Variants in CTNNA1 observed in about 807,000 individuals in gnomAD.
CTNNA1 encodes catenin alpha 1.
Under a neutral mutation model 98.4 loss-of-function variants are expected in CTNNA1, and 37 were observed. The observed-to-expected ratio is 0.38, with a 90% CI of 0.29 to 0.49. The LOEUF is 0.49. CTNNA1 is among the 20% of genes least tolerant of loss of function. The probability of loss-of-function intolerance (pLI) is 0.95; values close to 1 mark genes in which losing one functional copy is unlikely to be tolerated. For missense variants in CTNNA1, 761 were observed against 1,147.2 expected (o/e 0.66, Z 4.86); for synonymous variants, 404 against 413.2 (o/e 0.98, Z 0.27).
chr5:138,895,281 T>G (rs188975995), intron 9 of CTNNA1, among the ~76,000 whole-genome samples: 1 of 152,202 alleles, frequency 6.6e-6, no homozygotes, highest in Non-Finnish European at 1.5e-5. Context: ...ACTTTAGAAA[T>G]GCAGAGCTCT....
At chr5:138,907,412 A>G (rs1253579667) in intron 10 of CTNNA1, among the ~76,000 whole-genome samples, 2 of 152,174 alleles carry the variant, frequency 1.3e-5, no homozygotes, top group African/African-American at 2.4e-5. Flanking sequence ...AGTTTTTGAA[A>G]TCTTTGAGGA....
chr5:138,931,588 A>T, intron 16 of CTNNA1: 1 of 985,290 alleles, frequency 1.0e-6, no homozygotes, highest in Non-Finnish European at 1.2e-6. Context: ...AATAGGGCCT[A>T]TTGCTTCCAT....
At chr5:138,911,892 G>A (rs1484195276) in intron 10 of CTNNA1, among the ~76,000 whole-genome samples, 2 of 152,222 alleles carry the variant, frequency 1.3e-5, no homozygotes, top group Non-Finnish European at 2.9e-5. Context: ...TGTGAGGTGA[G>A]AGAGAAAAAG....
chr5:138,852,071 AAAAAAAT>A (rs1246140781), intron 7 of CTNNA1, among the ~76,000 whole-genome samples: 2 of 152,056 alleles, frequency 1.3e-5, no homozygotes, highest in Admixed American at 6.5e-5. Context: ...GCTCCATCTC[AAAAAAAT>A]AAAAAATAAA....
chr5:138,873,817 C>T lies in CTNNA1; in HGVS notation c.1063-12395C>T, dbSNP rs1338946492. ...TTTCTAAAGTGCCCCAGGTCCACTC[C>T]ATCCCACATGTCAAGTTGCTGATTT... On this transcript the variant is annotated intron_variant, in intron 7 of 17. Coordinates refer to ENST00000302763, the MANE Select transcript of CTNNA1 (RefSeq NM_001903.5). This position sits in a 1 kb window ranked among gnomAD's most constrained non-coding sequence, Gnocchi z 6.1. 7 of 1,613,892 alleles carry T rather than the reference C, an allele frequency of 4.3e-6. No individual in the cohort carries two copies. Among genetic ancestry groups the T allele is most frequent in the African/African-American group, 1.3e-5 (1 of 74,920 alleles).
intron 7 of CTNNA1, among the ~76,000 whole-genome samples, chr5:138,866,273 C>CATTTATTTATTTATTTATTT (rs201730664): frequency 1.4e-5 from 2 of 138,588 alleles, no homozygotes; most frequent in South Asian, 2.4e-4. Flanking sequence ...TGTTGTAACT[C>CATTTATTTATTTATTTATTT]ATTTATTTAT....
chr5:138,772,443 A>T (rs1320511276), intron 1 of CTNNA1, among the ~76,000 whole-genome samples: 4 of 152,350 alleles, frequency 2.6e-5, no homozygotes, highest in Admixed American at 2.6e-4. Flanking sequence ...GAAACTGTCA[A>T]GAGTTTAAAA....
chr5:138,931,116 G>A (rs1162219330), intron 16 of CTNNA1, 181 bp downstream of exon 16: 7 of 588,306 alleles, frequency 1.2e-5, no homozygotes, highest in South Asian at 1.0e-4. Context: ...TGTATGTCCT[G>A]GAATCTTCCA....
At chr5:138,811,948 G>A in intron 4 of CTNNA1, 1 of 373,760 alleles carries the variant, frequency 2.7e-6, no homozygotes, top group South Asian at 2.7e-5. Context: ...GAGGGAGAGG[G>A]AGGGGAAGGG....
At chr5:138,850,676 T>TAAG (rs1369031981) in intron 7 of CTNNA1, among the ~76,000 whole-genome samples, 3 of 152,218 alleles carry the variant, frequency 2.0e-5, no homozygotes, top group Non-Finnish European at 4.4e-5. Context: ...TATTTCACTG[T>TAAG]AGTCTCTTTC....
At chr5:138,848,969 G>T (rs1305213352) in intron 7 of CTNNA1, among the ~76,000 whole-genome samples, 2 of 152,122 alleles carry the variant, frequency 1.3e-5, no homozygotes, top group African/African-American at 4.8e-5. Context: ...TGATATGCCT[G>T]CCTCGGCCTC....
intron 1 of CTNNA1, among the ~76,000 whole-genome samples, chr5:138,756,292 A>G (rs998989324): frequency 6.6e-6 from 1 of 151,922 alleles, no homozygotes; most frequent in African/African-American, 2.4e-5. Flanking sequence ...CGGCCTCCCA[A>G]AGTGCTGGGA....
At chr5:138,837,767 G>T (rs572006215) in intron 7 of CTNNA1, among the ~76,000 whole-genome samples, 2 of 151,658 alleles carry the variant, frequency 1.3e-5, no homozygotes, top group East Asian at 3.9e-4. Context: ...GACTAGAGGT[G>T]TGCACCAGCA....
At chr5:138,916,779 A>AT (rs35034209) in intron 10 of CTNNA1, among the ~76,000 whole-genome samples, 44,876 of 147,334 alleles carry the variant, frequency 0.3, 6,877 homozygotes, top group Middle Eastern at 0.34. Context: ...TATTTTATTT[A>AT]TTTTTTTTTT....
chr5:138,934,391 AT>A lies in CTNNA1; in HGVS notation c.*304del, dbSNP rs1766097041. The A allele has an allele frequency of 3.1e-6, 1 of 317,506 alleles. No individual in the cohort carries two copies. Among genetic ancestry groups the A allele is most frequent in the African/African-American group, 2.2e-5 (1 of 45,710 alleles). The allele number at this position is 317,506 out of a possible 1,614,324, so 19.7% of individuals were successfully genotyped here. Reference sequence around the variant, plus strand: ...ATGCTCTGACCAAGCCGAGATGCCCATTCTCTTAGTGATGGCGGCGTTAGGG... The same window carrying A: ...ATGCTCTGACCAAGCCGAGATGCCCATCTCTTAGTGATGGCGGCGTTAGGG... On this transcript the variant is annotated 3_prime_UTR_variant, in exon 18 of 18. Coordinates refer to ENST00000302763, the MANE Select transcript of CTNNA1 (RefSeq NM_001903.5).
intron 8 of CTNNA1, among the ~76,000 whole-genome samples, chr5:138,887,159 T>A (rs1182308060): frequency 6.6e-6 from 1 of 152,166 alleles, no homozygotes; most frequent in East Asian, 1.9e-4. Flanking sequence ...TATGTGCCAG[T>A]TCAACCCAGA....
intron 7 of CTNNA1, among the ~76,000 whole-genome samples, chr5:138,852,294 A>T (rs1161135771): frequency 6.6e-6 from 1 of 151,984 alleles, no homozygotes; most frequent in African/African-American, 2.4e-5. Context: ...CTAATAGCCA[A>T]ATACCTTCCT....
At chr5:138,853,514 G>A (rs764327403) in intron 7 of CTNNA1, among the ~76,000 whole-genome samples, 14 of 150,900 alleles carry the variant, frequency 9.3e-5, no homozygotes, top group Non-Finnish European at 1.9e-4. Flanking sequence ...AAAAAGTATT[G>A]AAGTTTTGTT....
intron 7 of CTNNA1, among the ~76,000 whole-genome samples, chr5:138,882,495 G>A (rs1753132098): frequency 6.6e-6 from 1 of 152,110 alleles, no homozygotes; most frequent in African/African-American, 2.4e-5. Flanking sequence ...TTCAATGTAG[G>A]GCACTTTTTA....
Sources: gnomAD v4.1 joint callset for allele counts (sites outside exome capture counted in the v4.1 genomes callset) on GRCh38, gnomAD v4.1.1 for gene constraint, Gnocchi (gnomAD v3.1) non-coding constraint, MANE v1.5 for transcripts, NCBI Gene and HGNC (gene_info 2026-07-23, HGNC 2026-07-21) for gene names.